The following RB1 variants were observed in gnomAD, a reference collection of about 807,000 sequenced individuals.
RB1 encodes RB transcriptional corepressor 1, also known as retinoblastoma-associated protein.
Under a neutral mutation model 135.4 loss-of-function variants are expected in RB1, and 18 were observed. The ratio of observed to expected loss-of-function variants is 0.13; its 90% CI spans 0.09 to 0.20. The LOEUF (loss-of-function observed/expected upper bound fraction) is 0.20, where lower values mean the gene tolerates loss of function less well. Ranked by LOEUF, RB1 falls within the 10% of genes least tolerant of loss-of-function variation. The pLI, the probability that RB1 is intolerant of heterozygous loss-of-function variation, is 1.00. For synonymous variants in RB1, 365 were observed against 373.2 expected (o/e 0.98, Z 0.25); for missense variants, 868 against 1,110.0 (o/e 0.78, Z 3.10).
chr13:48,359,981 TCTAA>T (rs747224532), intron 6 of RB1, 32 bp from the exon 7 acceptor site: 7 of 1,607,726 alleles, frequency 4.4e-6, no homozygotes, highest in South Asian at 1.1e-5. Flanking sequence ...GATCTGAATC[TCTAA>T]CTTTCTTTAA....
intron 2 of RB1, chr13:48,328,572 C>T (rs1365650976): frequency 1.3e-5 from 9 of 666,716 alleles, no homozygotes; most frequent in East Asian, 5.4e-5. Context: ...TTTCCCCCGC[C>T]GCATTGTTTT....
At chr13:48,479,860 A>G (rs1949527011) in intron 26 of RB1, 138 bp from the exon 27 acceptor site, 1 of 706,390 alleles carries the variant, frequency 1.4e-6, no homozygotes, top group African/African-American at 1.8e-5. Context: ...CGGTACTGTC[A>G]AATACTAGAA....
chr13:48,391,639 G>A (rs1456955106), intron 17 of RB1: 1 of 151,714 alleles, frequency 6.6e-6, no homozygotes, highest in Non-Finnish European at 1.5e-5. Context: ...TTCTTTTTGA[G>A]ATGGAGTCTC....
intron 17 of RB1, among the ~76,000 whole-genome samples, chr13:48,449,435 T>C (rs1949312132): frequency 6.6e-6 from 1 of 152,140 alleles, no homozygotes; most frequent in Admixed American, 6.6e-5. Context: ...TTTTGGTGGG[T>C]TAAAAGTTTA....
intron 11 of RB1, among the ~76,000 whole-genome samples, chr13:48,369,067 A>G (rs1281825059): frequency 6.6e-6 from 1 of 152,184 alleles, no homozygotes; most frequent in Non-Finnish European, 1.5e-5. Context: ...TGCTGAAGAT[A>G]TGGTTATTGG....
intron 17 of RB1, among the ~76,000 whole-genome samples, chr13:48,449,266 T>G (rs940448854): frequency 6.6e-6 from 1 of 152,192 alleles, no homozygotes; most frequent in Non-Finnish European, 1.5e-5. Context: ...AAAAATTAGT[T>G]AGAAACTCTG....
At chr13:48,449,146 A>C (rs79230794) in intron 17 of RB1, among the ~76,000 whole-genome samples, 1 of 151,886 alleles carries the variant, frequency 6.6e-6, no homozygotes, top group African/African-American at 2.4e-5. Context: ...TTCTCCCTGC[A>C]TAGTTTCTGC....
intron 2 of RB1, chr13:48,328,457 G>A: frequency 1.0e-6 from 1 of 980,144 alleles, no homozygotes; most frequent in Non-Finnish European, 1.7e-6. Context: ...TTCTTCAGCT[G>A]ATCGCTTCTC....
rs180747090 is a variant in RB1, at chr13:48,478,310, A to T, written c.2713+906A>T. Among the ~76,000 whole-genome samples, 403 of 152,296 alleles carry T rather than the reference A, an allele frequency of 2.6e-3. 1 individual carries two copies. The highest frequency in any genetic ancestry group is 3.7e-3 in the Non-Finnish European group (255 of 68,014). ...ATGCTTTTTTTCTATGTATTTTTTT[A>T]AAGTGTAATTAAAACTAAATAACTA... On this transcript the variant is annotated intron_variant, in intron 26 of 26. Transcript: ENST00000267163.
At chr13:48,381,482 A>T (rs1948535944) in intron 17 of RB1, 39 bp downstream of exon 17, 1 of 1,585,446 alleles carries the variant, frequency 6.3e-7, no homozygotes, top group South Asian at 1.1e-5. Context: ...ATTCATGTGC[A>T]TATGGCTAAC....
chr13:48,318,234 C>G, intron 2 of RB1: 1 of 675,662 alleles, frequency 1.5e-6, no homozygotes, highest in Non-Finnish European at 2.5e-6. Flanking sequence ...CTTGGAGAGT[C>G]AGCTATTAAG....
chr13:48,381,190 A>G lies in RB1; in HGVS notation c.1499-57A>G. 2.6e-6 allele frequency: 4 copies of G among 1,521,510 alleles called. No individual in the cohort carries two copies. The East Asian group carries it at 9.7e-5, about 37-fold the overall frequency. The allele number at this position is 1,521,510 out of a possible 1,614,324, so 94.3% of individuals were successfully genotyped here. A position where few individuals can be genotyped will look rare whatever the true frequency, so the allele number is the denominator to read the frequency against. The stretch of plus-strand genomic sequence containing the variant: ...TTGTCTGATAATAACTTCCAAAAAA[A>G]TACCTAGCTCAAGGGTTAATATTTC... On this transcript the variant is annotated intron_variant, in intron 16 of 26. Coordinates refer to ENST00000267163, the MANE Select transcript of RB1 (RefSeq NM_000321.3).
intron 6 of RB1, among the ~76,000 whole-genome samples, chr13:48,352,673 A>T (rs1243217306): frequency 6.6e-6 from 1 of 152,046 alleles, no homozygotes; most frequent in Non-Finnish European, 1.5e-5. Context: ...TGGTGTGTAG[A>T]ACTACTAGTG....
At chr13:48,460,412 A>G (rs1312473825) in intron 20 of RB1, among the ~76,000 whole-genome samples, 2 of 152,222 alleles carry the variant, frequency 1.3e-5, no homozygotes, top group Non-Finnish European at 2.9e-5. Context: ...ACTCAAGAGT[A>G]TATTTTAGTA....
chr13:48,456,473 T>A, intron 19 of RB1, 124 bp downstream of exon 19: 1 of 1,348,094 alleles, frequency 7.4e-7, no homozygotes, highest in Non-Finnish European at 1.0e-6. Flanking sequence ...GTGTCTCAGT[T>A]TCCTCATCTA....
Position 48,364,887 on chromosome 13 carries a change from T to G in RB1, c.862-7T>G. 1.3e-6 allele frequency: 2 copies of G among 1,550,974 alleles called. No individual in the cohort carries two copies. Among genetic ancestry groups the G allele is most frequent in the Non-Finnish European group, 1.7e-6 (2 of 1,145,182 alleles). Reference sequence around the variant, plus strand: ...TAATGATCATGTTGTAACTTCATCTTTTTCAGGTGAAAAATGTTTATTTCA... The same window carrying G: ...TAATGATCATGTTGTAACTTCATCTGTTTCAGGTGAAAAATGTTTATTTCA... On this transcript the variant is annotated splice_region_variant and splice_polypyrimidine_tract_variant and intron_variant, in intron 8 of 26. Transcript: ENST00000267163.
intron 2 of RB1, among the ~76,000 whole-genome samples, chr13:48,308,214 G>A (rs1952101805): frequency 6.6e-6 from 1 of 151,576 alleles, no homozygotes; most frequent in Non-Finnish European, 1.5e-5. Context: ...GCCGGGCATG[G>A]TGGTGTGTGC....
intron 17 of RB1, among the ~76,000 whole-genome samples, chr13:48,396,228 G>T (rs893044251): frequency 6.6e-6 from 1 of 152,036 alleles, no homozygotes; most frequent in Admixed American, 6.6e-5. Context: ...GAGGCATCAC[G>T]CTACTTGACT....
chr13:48,403,977 G>A (rs999363430), intron 17 of RB1, among the ~76,000 whole-genome samples: 2 of 152,072 alleles, frequency 1.3e-5, no homozygotes, highest in African/African-American at 2.4e-5. Context: ...TTCCAGTCTG[G>A]GTGACAGAAT....
Sources: gnomAD v4.1 joint callset for allele counts (sites outside exome capture counted in the v4.1 genomes callset) on GRCh38, gnomAD v4.1.1 for gene constraint, MANE v1.5 for transcripts, NCBI Gene and HGNC (gene_info 2026-07-23, HGNC 2026-07-21) for gene names.